Variants in EPS15 observed in about 807,000 individuals in gnomAD.
EPS15 encodes epidermal growth factor receptor pathway substrate 15.
EPS15 carries 72 observed loss-of-function variants against 113.8 expected under a neutral mutation model. The observed-to-expected ratio is 0.63, with a 90% CI of 0.52 to 0.77. EPS15 has a LOEUF of 0.77. Among genes scored for constraint, EPS15 ranks in the 30% least tolerant of loss-of-function variants. EPS15 has a pLI of 0.00. For synonymous variants in EPS15, 344 were observed against 363.4 expected, an observed-to-expected ratio of 0.95 and a Z score of 0.61; for missense variants, 1,048 against 1,045.8, an observed-to-expected ratio of 1.00 and a Z score of -0.03.
At chr1:51,403,206 A>G (rs1648753114) in intron 17 of EPS15, among the ~76,000 whole-genome samples, 1 of 152,178 alleles carries the variant, frequency 6.6e-6, no homozygotes, top group African/African-American at 2.4e-5. Context: ...TCCAGCTATT[A>G]AGAACATTTA....
intron 12 of EPS15, among the ~76,000 whole-genome samples, chr1:51,432,463 C>T (rs2148464549): frequency 6.6e-6 from 1 of 151,982 alleles, no homozygotes; most frequent in East Asian, 1.9e-4. Context: ...CCACCATGCC[C>T]AGCCTAAGTA....
rs181095262 is a variant in EPS15 at position 51,476,661 on chromosome 1, T to C, written c.76-3713A>G. On this transcript the variant is annotated intron_variant, in intron 2 of 24. Coordinates refer to ENST00000371733, the MANE Select transcript of EPS15 (RefSeq NM_001981.3). ...TTCAAAAAACCAGCTCCTGGATTCA[T>C]TGATTTTTTGAAGGGTTTTTTGTGT... 3.3e-3 allele frequency among the ~76,000 whole-genome samples: 500 copies of C among 152,242 alleles called. 4 individuals are homozygous for C. The highest frequency in any genetic ancestry group is 0.011 in the African/African-American group (473 of 41,542).
intron 2 of EPS15, among the ~76,000 whole-genome samples, chr1:51,477,817 G>C (rs1235770234): frequency 6.6e-6 from 1 of 152,206 alleles, no homozygotes; most frequent in Non-Finnish European, 1.5e-5. Flanking sequence ...TGGTCTGAGA[G>C]ACAGTTTGTT....
chr1:51,508,378 A>AAGAG (rs1335570361), intron 1 of EPS15, among the ~76,000 whole-genome samples: 20 of 149,276 alleles, frequency 1.3e-4, no homozygotes, highest in Non-Finnish European at 2.4e-4. Context: ...GAAAGAAAGA[A>AAGAG]AGAAAGAGAA....
chr1:51,433,095 G>C (rs1252711614), intron 12 of EPS15, among the ~76,000 whole-genome samples: 1 of 152,176 alleles, frequency 6.6e-6, no homozygotes, highest in African/African-American at 2.4e-5. Context: ...CTAGGATTTA[G>C]AAATTTTAAA....
intron 8 of EPS15, among the ~76,000 whole-genome samples, chr1:51,450,042 T>C (rs1242050988): frequency 1.3e-5 from 2 of 151,758 alleles, no homozygotes; most frequent in Non-Finnish European, 2.9e-5. Flanking sequence ...CTTCTTCTCT[T>C]TCTTACTGGA....
chr1:51,387,026 C>T (rs546291884), intron 21 of EPS15, among the ~76,000 whole-genome samples: 124 of 152,008 alleles, frequency 8.2e-4, no homozygotes, highest in Non-Finnish European at 1.6e-3. Flanking sequence ...ATCAGATTCA[C>T]CAAAGTTGAA....
At chr1:51,493,027 A>G (rs994420582) in intron 1 of EPS15, among the ~76,000 whole-genome samples, 2 of 151,938 alleles carry the variant, frequency 1.3e-5, no homozygotes, top group Non-Finnish European at 2.9e-5. Context: ...GGAGTTCGAG[A>G]CCATCCTGCC....
chr1:51,451,574 AT>A (rs1222909861), intron 8 of EPS15, among the ~76,000 whole-genome samples: 2 of 151,586 alleles, frequency 1.3e-5, no homozygotes, highest in Non-Finnish European at 2.9e-5. Context: ...AAAATTAGGC[AT>A]AGAATAGGGA....
rs533719441 is a variant in EPS15 at position 51,421,822 on chromosome 1, C to T, written c.1077G>A (p.Lys359=). 5.0e-6 allele frequency: 8 copies of T among 1,607,854 alleles called. No individual in the cohort carries two copies. In the African/African-American group the frequency reaches 8.0e-5, roughly 16 times the overall value. The part of the protein sequence containing the change: ...KNNVEQDLKE[K]EDTIKQRTSE... Reference sequence around the variant, plus strand: ...TTGTCCTCTGTTTAATAGTATCTTCCTTCTCCTTAAGGTCCTGTTCCACAT... The same window carrying T: ...TTGTCCTCTGTTTAATAGTATCTTCTTTCTCCTTAAGGTCCTGTTCCACAT... Residue 359 remains lysine, a synonymous_variant, in exon 13 of 25, where the codon AAG becomes AAA. Coordinates refer to ENST00000371733, the MANE Select transcript of EPS15 (RefSeq NM_001981.3).
Position 51,454,072 on chromosome 1 carries a change from A to C in EPS15, c.562-5937T>G, listed in dbSNP as rs76998309. Reference sequence around the variant, plus strand: ...TTCAAAAAAAAAAAAAAAAAAAAAAAGGGAAAAGATCGTGCTCAGTTTTAC... The same window carrying C: ...TTCAAAAAAAAAAAAAAAAAAAAAACGGGAAAAGATCGTGCTCAGTTTTAC... On this transcript the variant is annotated intron_variant, in intron 8 of 24. Coordinates refer to ENST00000371733, the MANE Select transcript of EPS15 (RefSeq NM_001981.3). 6.5e-3 allele frequency among the ~76,000 whole-genome samples: 961 copies of C among 147,698 alleles called. 7 individuals are homozygous for C. The highest frequency in any genetic ancestry group is 0.024 in the African/African-American group (921 of 39,056).
intron 1 of EPS15, among the ~76,000 whole-genome samples, chr1:51,508,308 GAGA>G (rs1644548122): frequency 7.7e-6 from 1 of 129,840 alleles, no homozygotes; most frequent in Non-Finnish European, 1.6e-5. Flanking sequence ...GAGAGAAAGA[GAGA>G]AAGAGAGAAA....
Position 51,361,248 on chromosome 1 carries a change from A to C in EPS15, c.2467T>G (p.Phe823Val). 1 of 1,613,988 alleles carries C rather than the reference A, an allele frequency of 6.2e-7. No individual in the cohort carries two copies. The highest frequency in any genetic ancestry group is 8.5e-7 in the Non-Finnish European group (1 of 1,179,886). The change falls in exon 24 of 25, where the codon TTT (phenylalanine) becomes GTT (valine). Residue 823 changes from phenylalanine to valine, a missense_variant. Physicochemically the swap from Phe to Val is conservative, Grantham distance 50 (BLOSUM62 -1). Coordinates refer to ENST00000371733, the MANE Select transcript of EPS15 (RefSeq NM_001981.3). ...GTAGCAGAAGTGAATGGATCACAAA[A>C]TATTTCAGGATCTTTTTCTTTGGGG... Reference protein sequence around the residue: ...DSPKEKDPEIFCDPFTSATTT... With the variant: ...DSPKEKDPEIVCDPFTSATTT...
rs1394289898 is a variant in EPS15, at chr1:51,472,888, A to T, written c.136T>A (p.Ser46Thr). The T allele has an allele frequency of 1.2e-6, 2 of 1,613,578 alleles. No homozygotes were observed. The highest frequency in any genetic ancestry group is 2.7e-5 in the African/African-American group (2 of 74,872). Residue 46 changes from serine (S) to threonine (T), a missense_variant, in exon 3 of 25, where the codon TCA (serine) becomes ACA (threonine). By Grantham distance (58) the Ser-to-Thr change is moderately conservative. Transcript: ENST00000371733. Reference sequence around the variant, plus strand: ...CCAAGTATCAAGTCTGGAAGCCCTGATTTTTTCAGGAAAGCAGCAGCATCA... The same window carrying T: ...CCAAGTATCAAGTCTGGAAGCCCTGTTTTTTTCAGGAAAGCAGCAGCATCA... Reference protein sequence around the residue: ...ASDAAAFLKKSGLPDLILGKI... With the variant: ...ASDAAAFLKKTGLPDLILGKI...
At position 51,379,405 on chromosome 1, in the gene EPS15, C is replaced by G. The variant is rs77647728; in HGVS notation, c.2120-13376G>C. On this transcript the variant is annotated intron_variant, in intron 21 of 24. Transcript: ENST00000371733. The stretch of plus-strand genomic sequence containing the variant: ...ACAGTGTTGGGATTACAGGTATGAG[C>G]CACAGTGCCTGGCCAGGATCCTCAA... Among the ~76,000 whole-genome samples, 5 of 152,190 alleles carry G rather than the reference C, an allele frequency of 3.3e-5. No individual in the cohort carries two copies. In the East Asian group the frequency reaches 9.7e-4, roughly 30 times the overall value.
chr1:51,433,592 AG>A (rs761392306), intron 12 of EPS15, among the ~76,000 whole-genome samples: 24 of 152,260 alleles, frequency 1.6e-4, no homozygotes, highest in Non-Finnish European at 3.2e-4. Context: ...GTAGATAATC[AG>A]GGAAAACTTC....
intron 21 of EPS15, among the ~76,000 whole-genome samples, chr1:51,380,481 T>C (rs1031176815): frequency 1.3e-5 from 2 of 152,158 alleles, no homozygotes; most frequent in Admixed American, 6.5e-5. Context: ...TTAAATCTTA[T>C]CAGTTTAAAA....
chr1:51,492,959 G>A (rs924928046), intron 1 of EPS15, among the ~76,000 whole-genome samples: 2 of 152,184 alleles, frequency 1.3e-5, no homozygotes, highest in Non-Finnish European at 2.9e-5. Flanking sequence ...CGGGCGCGGT[G>A]GCTCACGCCT....
At chr1:51,366,531 TG>T (rs1646511814) in intron 21 of EPS15, among the ~76,000 whole-genome samples, 1 of 152,168 alleles carries the variant, frequency 6.6e-6, no homozygotes, top group Non-Finnish European at 1.5e-5. Flanking sequence ...AACTGATGAA[TG>T]ATTTATAGGT....
Sources: gnomAD v4.1 joint callset for allele counts (sites outside exome capture counted in the v4.1 genomes callset) on GRCh38, gnomAD v4.1.1 for gene constraint, MANE v1.5 for transcripts, NCBI Gene and HGNC (gene_info 2026-07-23, HGNC 2026-07-21) for gene names.